The following HMCN1 variants were observed in gnomAD, a reference collection of about 807,000 sequenced individuals.
HMCN1 encodes the protein hemicentin 1.
A neutral mutation model predicts 625.9 loss-of-function variants in HMCN1; 321 were observed. The ratio of observed to expected loss-of-function variants is 0.51; its 90% CI spans 0.47 to 0.56. HMCN1 has a LOEUF of 0.56. Ranked by LOEUF, HMCN1 falls within the 20% of genes least tolerant of loss-of-function variation. The pLI is 0.00. For missense variants in HMCN1, 6,588 were observed against 6,887.3 expected, an observed-to-expected ratio of 0.96 and a Z score of 1.54; for synonymous variants, 2,425 against 2,417.6, an observed-to-expected ratio of 1.00 and a Z score of -0.09.
At chr1:185,741,036 A>AG (rs1252869048) in intron 1 of HMCN1, among the ~76,000 whole-genome samples, 1 of 152,096 alleles carries the variant, frequency 6.6e-6, no homozygotes, top group Non-Finnish European at 1.5e-5. Flanking sequence ...GTTGTTAAAA[A>AG]GAGTCTGGCT....
chr1:185,944,690 G>A (rs1176529982), intron 11 of HMCN1, among the ~76,000 whole-genome samples: 5 of 152,174 alleles, frequency 3.3e-5, no homozygotes, highest in Non-Finnish European at 5.9e-5. Flanking sequence ...AGAGGGAGCT[G>A]TAAATATGCT....
Position 185,882,001 on chromosome 1 carries a change from T to C in HMCN1, c.621+16138T>C, listed in dbSNP as rs144055224. The stretch of plus-strand genomic sequence containing the variant: ...AGTTGAAGTTCTGAATTTCATAAGA[T>C]ATTTTTTTCTTTTAGAAATGTCTAC... On this transcript the variant is annotated intron_variant, in intron 4 of 106. Coordinates refer to ENST00000271588, the MANE Select transcript of HMCN1 (RefSeq NM_031935.3). 6.6e-5 allele frequency among the ~76,000 whole-genome samples: 10 copies of C among 152,302 alleles called. No individual in the cohort carries two copies. In the East Asian group the frequency reaches 1.7e-3, roughly 26 times the overall value.
chr1:186,018,499 G>GAAT (rs1425955752), intron 34 of HMCN1, 147 bp downstream of exon 34: 1 of 825,236 alleles, frequency 1.2e-6, no homozygotes, highest in Non-Finnish European at 2.0e-6. Flanking sequence ...TTGTATGCCA[G>GAAT]AATTTTTAGT....
At position 185,923,515 on chromosome 1, in the gene HMCN1, C is replaced by T; in HGVS notation, c.1147C>T (p.Arg383Ter). Residue 383 changes from arginine to a stop codon, truncating the protein, a stop_gained, in exon 8 of 107, where the codon CGA (arginine) becomes TGA (stop). Transcript: ENST00000271588. LOFTEE classifies it high-confidence loss of function. ...KTIPVKYYPH[R>*]KPYGIWNISD... ...TATTCCTGTTAAATATTACCCACAT[C>T]GAAAACCTTATGGCATATGGAATAT... 1.9e-6 allele frequency: 3 copies of T among 1,612,472 alleles called. No individual in the cohort carries two copies. Among genetic ancestry groups the T allele is most frequent in the Non-Finnish European group, 2.5e-6 (3 of 1,178,976 alleles).
intron 6 of HMCN1, among the ~76,000 whole-genome samples, chr1:185,920,676 G>GT (rs921865289): frequency 5.3e-5 from 8 of 151,170 alleles, no homozygotes; most frequent in Admixed American, 4.0e-4. Flanking sequence ...TATAATTTCT[G>GT]TTTTTTTTCA....
intron 97 of HMCN1, among the ~76,000 whole-genome samples, chr1:186,163,870 A>C (rs1651690257): frequency 6.6e-6 from 1 of 152,136 alleles, no homozygotes; most frequent in Admixed American, 6.5e-5. Flanking sequence ...TCTCCCAAAA[A>C]ACTTCCCAAA....
intron 46 of HMCN1, among the ~76,000 whole-genome samples, chr1:186,059,102 C>A (rs983069327): frequency 6.6e-6 from 1 of 151,904 alleles, no homozygotes; most frequent in Non-Finnish European, 1.5e-5. Flanking sequence ...GCATCCAATA[C>A]CTATTTCTTG....
rs775716643 is a variant in HMCN1 at position 185,933,591 on chromosome 1, C to T, written c.1595C>T (p.Thr532Ile). Residue 532 changes from threonine to isoleucine, a missense_variant, in exon 11 of 107, where the codon ACT becomes ATT. Physicochemically the swap from Thr to Ile is moderately conservative, Grantham distance 89 (BLOSUM62 -1). Coordinates refer to ENST00000271588, the MANE Select transcript of HMCN1 (RefSeq NM_031935.3). ...VIQVPNNVTV[T>I]PGERAVLTCL... ...CAAGTGCCTAACAATGTTACAGTCA[C>T]TCCTGGAGAGAGAGCAGTTTTAACA... 44 of 1,613,872 alleles carry T rather than the reference C, an allele frequency of 2.7e-5. No homozygotes were observed. Among genetic ancestry groups the T allele is most frequent in the Non-Finnish European group, 3.6e-5 (43 of 1,179,930 alleles).
At chr1:186,074,980 T>C in intron 53 of HMCN1, 89 bp downstream of exon 53, 1 of 1,108,704 alleles carries the variant, frequency 9.0e-7, no homozygotes, top group Admixed American at 2.0e-5. Flanking sequence ...AAACAGTGTT[T>C]TTTTCTGTTG....
At chr1:185,923,728 G>T (rs1667114563) in intron 8 of HMCN1, 75 bp downstream of exon 8, 1 of 1,216,888 alleles carries the variant, frequency 8.2e-7, no homozygotes, top group East Asian at 2.3e-5. Context: ...GTAAATAACG[G>T]ACTATCAAAT....
chr1:186,093,759 T>A, intron 66 of HMCN1, 90 bp downstream of exon 66: 3 of 1,559,902 alleles, frequency 1.9e-6, no homozygotes, highest in Non-Finnish European at 2.6e-6. Context: ...GAAGAAATGT[T>A]TTTTTCTAAG....
chr1:186,061,984 T>G lies in HMCN1; in HGVS notation c.7426+20T>G. The stretch of plus-strand genomic sequence containing the variant: ...TATTAGGTACTTATATAGTTTGCAA[T>G]ATCTAGAAGAAACTTAAATTGCCTT... On this transcript the variant is annotated intron_variant, in intron 47 of 106. Transcript: ENST00000271588. The G allele has an allele frequency of 3.5e-6, 5 of 1,448,882 alleles. No homozygotes were observed. Among genetic ancestry groups the G allele is most frequent in the Non-Finnish European group, 4.8e-6 (5 of 1,032,530 alleles). 89.8% of individuals were successfully genotyped at this position (1,448,882 alleles called of 1,614,324 possible). A position where few individuals can be genotyped will look rare whatever the true frequency, so the allele number is the denominator to read the frequency against.
rs1657227995 is a variant in HMCN1 at position 186,055,164 on chromosome 1, CT to C, written c.6863-226del. Among the ~76,000 whole-genome samples, 6 of 152,148 alleles carry C rather than the reference CT, an allele frequency of 3.9e-5. No homozygotes were observed. In the South Asian group the frequency reaches 1.0e-3, roughly 26 times the overall value. On this transcript the variant is annotated intron_variant, in intron 44 of 106. Coordinates refer to ENST00000271588, the MANE Select transcript of HMCN1 (RefSeq NM_031935.3). ...GTGGGAAGTTAGTGAACACAGCAAT[CT>C]TTACTTACTGTGTCAATAGCTTCAT...
intron 98 of HMCN1, among the ~76,000 whole-genome samples, 188 bp from the exon 99 acceptor site, chr1:186,165,996 T>C (rs1167599890): frequency 2.6e-5 from 4 of 152,236 alleles, no homozygotes. Flanking sequence ...CTATTCACTA[T>C]CAAGGATAAC....
rs371598243 is a variant in HMCN1 at position 185,982,363 on chromosome 1, C to T, written c.2764C>T (p.Arg922Cys). ...GTTAGCTGGAAATCCCATTCCAGAACGTCGGTGGATTAAGAATTCAGCTAT... is the reference window on the plus strand; with the variant it reads ...GTTAGCTGGAAATCCCATTCCAGAATGTCGGTGGATTAAGAATTCAGCTAT... ...TLLAGNPIPE[R>C]RWIKNSAMLL... The change falls in exon 18 of 107, where the codon CGT becomes TGT. Residue 922 changes from arginine to cysteine, a missense_variant. Arg to Cys is a radical substitution (Grantham distance 180). Transcript: ENST00000271588. 19 of 1,613,098 alleles carry T rather than the reference C, an allele frequency of 1.2e-5. No homozygotes were observed. Among genetic ancestry groups the T allele is most frequent in the Non-Finnish European group, 1.4e-5 (16 of 1,179,410 alleles).
At chr1:186,136,964 A>G (rs1231053453) in intron 87 of HMCN1, 27 bp downstream of exon 87, 1 of 1,610,128 alleles carries the variant, frequency 6.2e-7, no homozygotes, top group Non-Finnish European at 8.5e-7. Context: ...GAATATTCAT[A>G]GTAAACAGTA....
intron 71 of HMCN1, among the ~76,000 whole-genome samples, chr1:186,110,317 G>A (rs999433377): frequency 1.3e-5 from 2 of 152,084 alleles, no homozygotes; most frequent in African/African-American, 4.8e-5. Flanking sequence ...TTAGGCAATG[G>A]TAACAATTAT....
intron 48 of HMCN1, among the ~76,000 whole-genome samples, chr1:186,063,319 T>G (rs1657874972): frequency 6.7e-6 from 1 of 149,970 alleles, no homozygotes; most frequent in Admixed American, 6.7e-5. Flanking sequence ...TAGTCCAGTA[T>G]AGCTGGTAGA....
Position 185,894,375 on chromosome 1 carries a change from GTC to G in HMCN1, c.622-14960_622-14959del, listed in dbSNP as rs144888597. On this transcript the variant is annotated intron_variant, in intron 4 of 106. Transcript: ENST00000271588. The stretch of plus-strand genomic sequence containing the variant: ...TATTCTATTTTATGAATATACCACA[GTC>G]TATTTCTCCATTCCACTGTTGATAT... 8.2e-3 allele frequency among the ~76,000 whole-genome samples: 1,252 copies of G among 152,258 alleles called. 14 individuals carry two copies. Among genetic ancestry groups the G allele is most frequent in the African/African-American group, 0.029 (1,198 of 41,536 alleles).
Sources: gnomAD v4.1 joint callset for allele counts (sites outside exome capture counted in the v4.1 genomes callset) on GRCh38, gnomAD v4.1.1 for gene constraint, MANE v1.5 for transcripts, NCBI Gene and HGNC (gene_info 2026-07-23, HGNC 2026-07-21) for gene names.